Variants in DCHS2 observed in about 807,000 individuals in gnomAD.
The protein encoded by DCHS2 is protocadherin-23.
A neutral mutation model predicts 182.4 loss-of-function variants in DCHS2; 142 were observed. The ratio of observed to expected loss-of-function variants is 0.78; its 90% CI spans 0.68 to 0.89. The LOEUF is 0.89. Ranked by LOEUF, DCHS2 falls within the 40% of genes least tolerant of loss-of-function variation. DCHS2 has a pLI of 0.00. For missense variants in DCHS2, 4,319 were observed against 4,198.6 expected (o/e 1.03, Z -0.79); for synonymous variants, 1,740 against 1,663.3 (o/e 1.05, Z -1.12).
At chr4:154,329,816 G>A (rs1325204001) in intron 5 of DCHS2, 106 bp from the exon 6 acceptor site, 7 of 1,039,930 alleles carry the variant, frequency 6.7e-6, no homozygotes, top group Non-Finnish European at 6.9e-6. Context: ...GAGCAAATAT[G>A]CGACTTCTAA....
chr4:154,474,418 A>G (rs1579116628), intron 1 of DCHS2, among the ~76,000 whole-genome samples: 1 of 152,106 alleles, frequency 6.6e-6, no homozygotes, highest in African/African-American at 2.4e-5. Flanking sequence ...GAGCTTCCTC[A>G]CGCAAGGCTA....
At chr4:154,263,315 T>G (rs538846801) in intron 14 of DCHS2, among the ~76,000 whole-genome samples, 1 of 152,034 alleles carries the variant, frequency 6.6e-6, no homozygotes, top group Admixed American at 6.6e-5. Context: ...TGTTAAACTA[T>G]ATACTTGACC....
chr4:154,253,282 C>T (rs960244906), intron 16 of DCHS2, among the ~76,000 whole-genome samples: 6 of 151,652 alleles, frequency 4.0e-5, no homozygotes, highest in Non-Finnish European at 8.8e-5. Flanking sequence ...CTTCTTCAAG[C>T]CTAGAGTTAA....
intron 1 of DCHS2, among the ~76,000 whole-genome samples, chr4:154,383,895 A>C (rs1008397427): frequency 1.1e-4 from 16 of 152,200 alleles, no homozygotes; most frequent in African/African-American, 3.9e-4. Flanking sequence ...TGGAAAAAAA[A>C]ATAGCAGCAC....
chr4:154,331,707 T>C, intron 5 of DCHS2: 1 of 1,612,218 alleles, frequency 6.2e-7, no homozygotes. Flanking sequence ...AGATGGTGCC[T>C]GCTGGACCTG....
intron 1 of DCHS2, among the ~76,000 whole-genome samples, chr4:154,488,896 GTGTGTC>G (rs547891845): frequency 6.2e-3 from 88 of 14,284 alleles, no homozygotes; most frequent in East Asian, 0.026. Context: ...ATGTGTGTGT[GTGTGTC>G]TGTGTGTGTG....
rs367659801 is a variant in DCHS2 at position 154,311,273 on chromosome 4, C to T, written c.5260+4475G>A. Among the ~76,000 whole-genome samples, 54 of 152,256 alleles carry T rather than the reference C, an allele frequency of 3.5e-4. No individual in the cohort carries two copies. In the South Asian group the frequency reaches 0.01, roughly 29 times the overall value. ...TTTAAGACAGCATCTCACTCTGCCACCCAGGCTGGAGTGTGCAGAGGCACA... is the reference window on the plus strand; with the variant it reads ...TTTAAGACAGCATCTCACTCTGCCATCCAGGCTGGAGTGTGCAGAGGCACA... On this transcript the variant is annotated intron_variant, in intron 10 of 19. Coordinates refer to ENST00000357232, the MANE Select transcript of DCHS2 (RefSeq NM_001358235.2).
chr4:154,433,259 C>T (rs1733631741), intron 1 of DCHS2, among the ~76,000 whole-genome samples: 1 of 152,082 alleles, frequency 6.6e-6, no homozygotes, highest in Non-Finnish European at 1.5e-5. Context: ...ACTGAGAGTC[C>T]CCAGAAGCTT....
chr4:154,447,889 C>T (rs1326147883), intron 1 of DCHS2, among the ~76,000 whole-genome samples: 1 of 152,136 alleles, frequency 6.6e-6, no homozygotes, highest in Non-Finnish European at 1.5e-5. Flanking sequence ...AAAACATATC[C>T]CTTAAACACA....
rs150458631 is a variant in DCHS2, at chr4:154,332,778, A to G, written c.3430T>C (p.Leu1144=). ...GATTCATAGTCAAACTGTCGCCGCA[A>G]ATAAATCCAGCCCGTGTAAGGGCGG... ...GIRPYTGWIY[L]RRQFDYESTQ... is the part of the protein sequence containing the mutation. Residue 1144 remains leucine (L), a synonymous_variant, in exon 5 of 20, where the codon TTG becomes CTG. Transcript: ENST00000357232. 4 of 1,614,126 alleles carry G rather than the reference A, an allele frequency of 2.5e-6. No individual in the cohort carries two copies. The highest frequency in any genetic ancestry group is 1.3e-5 in the African/African-American group (1 of 74,950).
intron 1 of DCHS2, among the ~76,000 whole-genome samples, chr4:154,419,999 T>G (rs1364904146): frequency 6.6e-6 from 1 of 152,126 alleles, no homozygotes; most frequent in East Asian, 1.9e-4. Context: ...AAGAACATCC[T>G]TTTTGGTAGC....
At chr4:154,406,391 G>A (rs1483137221) in intron 1 of DCHS2, among the ~76,000 whole-genome samples, 1 of 152,154 alleles carries the variant, frequency 6.6e-6, no homozygotes, top group Admixed American at 6.5e-5. Flanking sequence ...GGCCAACAAA[G>A]GTATCATTCC....
chr4:154,280,844 TA>T (rs1355064027), intron 13 of DCHS2, among the ~76,000 whole-genome samples: 1 of 143,562 alleles, frequency 7.0e-6, no homozygotes, highest in African/African-American at 2.8e-5. Context: ...TTTTTTTTTT[TA>T]AAGACAGAGT....
intron 1 of DCHS2, among the ~76,000 whole-genome samples, chr4:154,381,192 T>G (rs967997799): frequency 2.6e-5 from 4 of 152,188 alleles, no homozygotes; most frequent in African/African-American, 9.6e-5. Context: ...TAATCTCAAT[T>G]TACCTATTTT....
intron 10 of DCHS2, among the ~76,000 whole-genome samples, chr4:154,305,694 T>C (rs889386103): frequency 1.3e-5 from 2 of 152,234 alleles, no homozygotes; most frequent in African/African-American, 4.8e-5. Context: ...GAATTGCTTA[T>C]ACACGTATTT....
intron 10 of DCHS2, 49 bp from the exon 11 acceptor site, chr4:154,305,280 A>C: frequency 6.4e-7 from 1 of 1,566,830 alleles, no homozygotes; most frequent in Non-Finnish European, 8.6e-7. Context: ...TTTGAAATAC[A>C]TTTATCCACT....
At chr4:154,412,306 C>T (rs116300632) in intron 1 of DCHS2, among the ~76,000 whole-genome samples, 17 of 152,242 alleles carry the variant, frequency 1.1e-4, no homozygotes, top group African/African-American at 3.9e-4. Context: ...CCTCTGTAGA[C>T]GACCCAACAA....
In DCHS2 at chr4:154,233,510, A is replaced by G. The variant is rs546355676; in HGVS notation, c.*1026T>C. On this transcript the variant is annotated 3_prime_UTR_variant, in exon 20 of 20. Coordinates refer to ENST00000357232, the MANE Select transcript of DCHS2 (RefSeq NM_001358235.2). ...TTTCCATAAAAAACTTCATTTAAAA[A>G]TATATTGCTAAATTACTCTATGAGA... is the stretch of plus-strand genomic sequence containing the variant. 6.6e-6 allele frequency: 1 copy of G among 152,224 alleles called. No homozygotes were observed. The highest frequency in any genetic ancestry group is 2.4e-5 in the African/African-American group (1 of 41,466). 9.4% of individuals were successfully genotyped at this position (152,224 alleles called of 1,614,324 possible).
At chr4:154,457,927 C>G (rs988841475) in intron 1 of DCHS2, among the ~76,000 whole-genome samples, 2 of 152,210 alleles carry the variant, frequency 1.3e-5, no homozygotes, top group Non-Finnish European at 2.9e-5. Context: ...AATCCATTCA[C>G]TCTACTATTG....
Sources: allele counts gnomAD v4.1 joint callset (sites outside exome capture counted in the v4.1 genomes callset), GRCh38; gene constraint gnomAD v4.1.1; transcripts MANE v1.5; gene names NCBI Gene and HGNC (gene_info 2026-07-23, HGNC 2026-07-21).